The following COXFA4L2 variants were observed in gnomAD, a reference collection of about 807,000 sequenced individuals.
COXFA4L2 encodes cytochrome c oxidase hypoxia associated subunit FA4L2.
the COXFA4L2 span, chr12:57,237,021 G>C: frequency 1.1e-5 from 17 of 1,614,076 alleles, no homozygotes; most frequent in Non-Finnish European, 1.4e-5. Context: ...GAGGTTCTGA[G>C]GACTCACCCC....
chr12:57,237,090 T>C, the COXFA4L2 span: 1 of 1,614,152 alleles, frequency 6.2e-7, no homozygotes, highest in Non-Finnish European at 8.5e-7. Flanking sequence ...TGCCATATCG[T>C]TGTTTTCCCA....
the COXFA4L2 span, chr12:57,236,283 C>G: frequency 2.5e-6 from 1 of 396,400 alleles, no homozygotes; most frequent in East Asian, 4.0e-5. Context: ...AACCCCAGTG[C>G]TCTGGTGAGG....
chr12:57,239,730 C>G, the COXFA4L2 span: 1 of 153,416 alleles, frequency 6.5e-6, no homozygotes, highest in African/African-American at 2.4e-5. The surrounding 1 kb of genome is among the most constrained non-coding windows in gnomAD (Gnocchi z 5.5). Flanking sequence ...TGCTCTCCCT[C>G]TTGCTGCCTT....
At chr12:57,238,061 C>G in the COXFA4L2 span, 3 of 152,256 alleles carry the variant, frequency 2.0e-5, no homozygotes, top group African/African-American at 4.8e-5. This position sits in a 1 kb window ranked among gnomAD's most constrained non-coding sequence, Gnocchi z 6.8. Context: ...GGAACCGAGT[C>G]CTAATATCTC....
chr12:57,235,654 C>T, the COXFA4L2 span: 3 of 1,613,636 alleles, frequency 1.9e-6, no homozygotes, highest in Non-Finnish European at 2.5e-6. Context: ...GCGCTGAGTA[C>T]CCCAAGCCTC....
chr12:57,236,541 C>T, the COXFA4L2 span: 2 of 1,457,202 alleles, frequency 1.4e-6, no homozygotes, highest in Non-Finnish European at 1.8e-6. Flanking sequence ...CCTATTTCCA[C>T]CCCATCTTGC....
At chr12:57,236,053 G>A in the COXFA4L2 span, 1 of 408,330 alleles carries the variant, frequency 2.4e-6, no homozygotes, top group East Asian at 3.5e-5. Flanking sequence ...TGACAACGGG[G>A]CCCAGGGACT....
At chr12:57,238,306 G>A in the COXFA4L2 span, among the ~76,000 whole-genome samples, 2 of 152,142 alleles carry the variant, frequency 1.3e-5, no homozygotes, top group South Asian at 2.1e-4. This position sits in a 1 kb window ranked among gnomAD's most constrained non-coding sequence, Gnocchi z 6.8. Context: ...CTGTAATTAG[G>A]CTGCGGGGTC....
At chr12:57,235,749 C>T in the COXFA4L2 span, 1 of 1,599,074 alleles carries the variant, frequency 6.3e-7, no homozygotes, top group Non-Finnish European at 8.5e-7. Context: ...CGAGAGGTAC[C>T]TTGTATTGGT....
At chr12:57,238,727 G>A in the COXFA4L2 span, among the ~76,000 whole-genome samples, 1 of 152,172 alleles carries the variant, frequency 6.6e-6, no homozygotes, top group African/African-American at 2.4e-5. This position sits in a 1 kb window ranked among gnomAD's most constrained non-coding sequence, Gnocchi z 6.8. Flanking sequence ...ACCCCGGCCA[G>A]GTCCCAAATT....
At chr12:57,238,614 G>T in the COXFA4L2 span, among the ~76,000 whole-genome samples, 1 of 152,186 alleles carries the variant, frequency 6.6e-6, no homozygotes, top group Non-Finnish European at 1.5e-5. This position sits in a 1 kb window ranked among gnomAD's most constrained non-coding sequence, Gnocchi z 6.8. Flanking sequence ...GTTCTCTGTG[G>T]CACAGCTGGG....
chr12:57,239,056 C>G, the COXFA4L2 span, among the ~76,000 whole-genome samples: 6 of 152,246 alleles, frequency 3.9e-5, no homozygotes, highest in Non-Finnish European at 5.9e-5. This position sits in a 1 kb window ranked among gnomAD's most constrained non-coding sequence, Gnocchi z 5.5. Context: ...GGTGAGGGAC[C>G]GCAGGAGTCA....
the COXFA4L2 span, chr12:57,236,590 T>C: frequency 6.3e-7 from 1 of 1,576,912 alleles, no homozygotes. Flanking sequence ...GCCGTGCCTT[T>C]ACCAGACGTC....
At chr12:57,235,869 C>G in the COXFA4L2 span, 9 of 1,436,258 alleles carry the variant, frequency 6.3e-6, no homozygotes, top group Non-Finnish European at 8.4e-6. Context: ...ACTCTGTAAC[C>G]CAATTTGACC....
the COXFA4L2 span, chr12:57,235,696 C>T: frequency 3.1e-6 from 5 of 1,612,122 alleles, no homozygotes; most frequent in African/African-American, 5.3e-5. Context: ...TTGTGGGTGC[C>T]AGGACCAGGA....
At chr12:57,235,411 G>A in the COXFA4L2 span, 1 of 821,604 alleles carries the variant, frequency 1.2e-6, no homozygotes, top group South Asian at 1.5e-5. Flanking sequence ...AGTAGGGGTG[G>A]AGCAGCCTCC....
At chr12:57,240,660 G>T in the COXFA4L2 span, 3 of 985,346 alleles carry the variant, frequency 3.0e-6, no homozygotes, top group Non-Finnish European at 3.6e-6. Flanking sequence ...CCTACGCACT[G>T]TCACTGAGAC....
chr12:57,237,289 AG>A, the COXFA4L2 span: 6 of 1,434,638 alleles, frequency 4.2e-6, no homozygotes, highest in Admixed American at 2.8e-5. Flanking sequence ...ATTGTCTGGG[AG>A]CCAAGTGGTT....
chr12:57,235,862 C>G, the COXFA4L2 span: 1 of 1,467,794 alleles, frequency 6.8e-7, no homozygotes, highest in Non-Finnish European at 9.1e-7. Context: ...ACCCAGAACT[C>G]TGTAACCCAA....
Sources: gnomAD v4.1 joint callset for allele counts (sites outside exome capture counted in the v4.1 genomes callset) on GRCh38, gnomAD v4.1.1 for gene constraint, Gnocchi (gnomAD v3.1) non-coding constraint, MANE v1.5 for transcripts, NCBI Gene and HGNC (gene_info 2026-07-23, HGNC 2026-07-21) for gene names.